Variants in MGAM observed in about 807,000 individuals in gnomAD.
MGAM encodes maltase-glucoamylase.
MGAM carries 253 observed loss-of-function variants against 358.8 expected under a neutral mutation model. That is an observed-to-expected ratio of 0.71 (90% CI 0.64 to 0.78). MGAM has a LOEUF of 0.78. Ranked by LOEUF, MGAM falls within the 30% of genes least tolerant of loss-of-function variation. The pLI is 0.00. For synonymous variants in MGAM, 1,105 were observed against 1,227.1 expected (o/e 0.90, Z 2.08); for missense variants, 3,080 against 3,432.6 (o/e 0.90, Z 2.57).
chr7:142,086,005 A>G lies in MGAM; in HGVS notation c.6636+44A>G, dbSNP rs572547587. The G allele has an allele frequency of 1.8e-5, 27 of 1,541,582 alleles. 2 individuals carry two copies. In the South Asian group the frequency reaches 2.4e-4, roughly 14 times the overall value. ...GTGTGCGGTCTGTTTGGGAGCAGGTATGGGTTTTGTTGGAGAAAGTGTTAT... is the reference window on the plus strand; with the variant it reads ...GTGTGCGGTCTGTTTGGGAGCAGGTGTGGGTTTTGTTGGAGAAAGTGTTAT... On this transcript the variant is annotated intron_variant, in intron 55 of 70. Transcript: ENST00000475668.
chr7:142,078,511 C>T (rs1279893602), intron 48 of MGAM, 41 bp downstream of exon 48: 1 of 1,489,596 alleles, frequency 6.7e-7, no homozygotes, highest in South Asian at 1.2e-5. Flanking sequence ...AAAATCTCCA[C>T]ACCTAATCTA....
chr7:142,096,489 C>A (rs36061384), intron 65 of MGAM, 74 bp downstream of exon 65: 7 of 1,470,834 alleles, frequency 4.8e-6, no homozygotes, highest in Non-Finnish European at 6.7e-6. Flanking sequence ...GAGAAGAGGC[C>A]TGAGCTGGTG....
In MGAM at chr7:142,036,277, G is replaced by A. The variant is rs1554465807; in HGVS notation, c.2068G>A (p.Gly690Ser). The A allele has an allele frequency of 6.2e-7, 1 of 1,603,580 alleles. No homozygotes were observed. Among genetic ancestry groups the A allele is most frequent in the South Asian group, 1.1e-5 (1 of 89,152 alleles). The change falls in exon 17 of 71, where the codon GGC (glycine) becomes AGC (serine). Residue 690 changes from glycine to serine, a missense_variant. By Grantham distance (56) the Gly-to-Ser change is moderately conservative. This residue lies in a region of MGAM where 1,816 missense variants were observed against 1,840.5 expected (regional missense o/e 0.99). Transcript: ENST00000475668. ...GTTTTCTAGAAATCACAATGGCCAA[G>A]GCTACAAGGTAAGGCTCCTAGGACA... ...YPFSRNHNGQ[G>S]YKDQDPASFG...
chr7:142,087,066 TC>T (rs1234955422), intron 57 of MGAM, among the ~76,000 whole-genome samples: 6 of 105,114 alleles, frequency 5.7e-5, no homozygotes, highest in African/African-American at 2.1e-4. Flanking sequence ...TGCCATCTTT[TC>T]TCTGAACTGG....
chr7:142,097,223 C>T (rs1816002616), intron 65 of MGAM, among the ~76,000 whole-genome samples: 2 of 152,180 alleles, frequency 1.3e-5, no homozygotes, highest in African/African-American at 4.8e-5. Context: ...AGACGTGAGC[C>T]ACCGTGTCCA....
chr7:141,995,252 A>AC (rs1554448369), upstream of MGAM, among the ~76,000 whole-genome samples: 1 of 151,844 alleles, frequency 6.6e-6, no homozygotes, highest in African/African-American at 2.4e-5. Context: ...AACCAAAAAA[A>AC]AAAAAAATCC....
rs745944999 is a variant in MGAM, at chr7:142,056,117, C to T, written c.3580+21C>T. 1.9e-6 allele frequency: 3 copies of T among 1,578,992 alleles called. No individual in the cohort carries two copies. The South Asian group carries it at 3.5e-5, about 18-fold the overall frequency. ...CATGGGTAAGGCCATCAGCACCTCC[C>T]TTATTTTGGGGGGATACCAATCATG... On this transcript the variant is annotated intron_variant, in intron 29 of 70. Coordinates refer to ENST00000475668, the MANE Select transcript of MGAM (RefSeq NM_001365693.1).
Position 141,989,605 on chromosome 7 carries a change from G to C in MGAM, c.-2-15924G>C, listed in dbSNP as rs142787444. Among the ~76,000 whole-genome samples the C allele has an allele frequency of 2.1e-3, 320 of 151,592 alleles. 1 individual carries two copies. The highest frequency in any genetic ancestry group is 2.6e-3 in the Non-Finnish European group (177 of 67,906). ...GGGTCTTGCTGTGTTGCCCAGGATG[G>C]AGTGCAGTGGTGCTATCATAGCTCC... On this transcript the variant is annotated intron_variant, in intron 2 of 5. Coordinates refer to the MGAM transcript ENST00000465654.
chr7:142,102,499 A>C (rs1355260991), intron 68 of MGAM, 131 bp from the exon 69 acceptor site: 1 of 862,664 alleles, frequency 1.2e-6, no homozygotes, highest in African/African-American at 1.7e-5. Flanking sequence ...AAAAGACAGA[A>C]ATAAAAACAA....
chr7:142,057,493 T>C (rs1811674442), intron 30 of MGAM, among the ~76,000 whole-genome samples: 2 of 135,350 alleles, frequency 1.5e-5, no homozygotes, highest in Admixed American at 1.6e-4. Flanking sequence ...ATGTTGGTGA[T>C]AGTGGTTGTG....
At chr7:142,059,406 G>T in intron 31 of MGAM, 66 bp from the exon 32 acceptor site, 1 of 1,562,978 alleles carries the variant, frequency 6.4e-7, no homozygotes, top group Non-Finnish European at 8.7e-7. Context: ...GTGGTGGAGG[G>T]TTGTTCTCCT....
At chr7:142,045,275 CCTATAAT>C (rs1810027628) in intron 21 of MGAM, among the ~76,000 whole-genome samples, 1 of 15,750 alleles carries the variant, frequency 6.3e-5, no homozygotes, top group Non-Finnish European at 2.0e-4. Flanking sequence ...ATTATATATA[CCTATAAT>C]ATATGATATA....
intron 29 of MGAM, 74 bp downstream of exon 29, chr7:142,056,170 C>T: frequency 7.1e-7 from 1 of 1,414,094 alleles, no homozygotes; most frequent in Non-Finnish European, 9.7e-7. Context: ...TGTGTTTAGC[C>T]TAACTGTTCC....
chr7:142,042,630 TTA>T lies in MGAM; in HGVS notation c.2498+1791_2498+1792del, dbSNP rs1447763654. 1.3e-4 allele frequency among the ~76,000 whole-genome samples: 2 copies of T among 15,058 alleles called. 1 individual carries two copies. Among genetic ancestry groups the T allele is most frequent in the African/African-American group, 5.1e-4 (2 of 3,912 alleles). The allele number at this position is 15,058 out of a possible 152,430, so 9.9% of individuals were successfully genotyped here. ...ATATAATATATATTATATATACATA[TTA>T]TATATAATATATAATATATATTATA... is the stretch of plus-strand genomic sequence containing the variant. On this transcript the variant is annotated intron_variant, in intron 21 of 70. Coordinates refer to ENST00000475668, the MANE Select transcript of MGAM (RefSeq NM_001365693.1).
At chr7:142,062,091 C>T (rs1247216722) in intron 34 of MGAM, among the ~76,000 whole-genome samples, 4 of 152,174 alleles carry the variant, frequency 2.6e-5, no homozygotes, top group Non-Finnish European at 5.9e-5. Flanking sequence ...AACACTGAGG[C>T]GTACTTGTCT....
intron 2 of MGAM, among the ~76,000 whole-genome samples, chr7:142,005,929 T>G (rs1240102798): frequency 6.6e-6 from 1 of 152,002 alleles, no homozygotes; most frequent in African/African-American, 2.4e-5. Context: ...AGTCTAATTC[T>G]GCTAAGAATG....
In MGAM at chr7:142,085,805, C is replaced by A. The variant is rs556496804; in HGVS notation, c.6508-28C>A. On this transcript the variant is annotated intron_variant, in intron 54 of 70. Transcript: ENST00000475668. ...AAAGCTTGGGCGTGTACAGCAGCAGCCTCTCAGCTCCCCATGTCCTCCCGC... is the reference window on the plus strand; with the variant it reads ...AAAGCTTGGGCGTGTACAGCAGCAGACTCTCAGCTCCCCATGTCCTCCCGC... 9 of 1,558,786 alleles carry A rather than the reference C, an allele frequency of 5.8e-6. No homozygotes were observed. In the East Asian group the frequency reaches 1.1e-4, roughly 20 times the overall value.
chr7:142,019,374 T>C, intron 4 of MGAM, 55 bp downstream of exon 4: 1 of 1,588,336 alleles, frequency 6.3e-7, no homozygotes, highest in Non-Finnish European at 8.6e-7. Context: ...AGGTTGACTC[T>C]GTATCCCCCA....
intron 67 of MGAM, among the ~76,000 whole-genome samples, chr7:142,100,047 G>A (rs1816309031): frequency 6.6e-6 from 1 of 152,198 alleles, no homozygotes; most frequent in African/African-American, 2.4e-5. Context: ...ATACTATTGG[G>A]TCTGATTGAA....
Sources: gnomAD v4.1 joint callset for allele counts (sites outside exome capture counted in the v4.1 genomes callset) on GRCh38, gnomAD v4.1.1 for gene constraint, gnomAD v4.1.1 regional missense constraint, MANE v1.5 for transcripts, NCBI Gene and HGNC (gene_info 2026-07-23, HGNC 2026-07-21) for gene names.